MSRA: variants seen among roughly 807,000 people sequenced by gnomAD.
The protein encoded by MSRA is mitochondrial peptide methionine sulfoxide reductase.
MSRA carries 54 observed loss-of-function variants against 31.3 expected under a neutral mutation model. The ratio of observed to expected loss-of-function variants is 1.73; its 90% confidence interval spans 1.39 to 2.17. The LOEUF is 2.17. MSRA is among the 30% of genes most tolerant of loss of function. The probability of loss-of-function intolerance (pLI) is 0.00; values close to 1 mark genes in which losing one functional copy is unlikely to be tolerated. For synonymous variants in MSRA, 169 were observed against 116.5 expected (o/e 1.45, Z -2.90); for missense variants, 507 against 300.9 (o/e 1.69, Z -5.07).
intron 2 of MSRA, among the ~76,000 whole-genome samples, chr8:10,236,738 G>A (rs562807629): frequency 1.3e-5 from 2 of 152,260 alleles, no homozygotes; most frequent in South Asian, 4.1e-4. Context: ...TAGAGATGGG[G>A]TTTTACTATG....
chr8:10,316,527 C>CCCCT (rs1171484461), intron 4 of MSRA, among the ~76,000 whole-genome samples: 5 of 112,548 alleles, frequency 4.4e-5, no homozygotes, highest in Non-Finnish European at 9.7e-5. Context: ...TTTGATGATC[C>CCCCT]CTCTCTCTCT....
At chr8:10,138,956 G>C (rs932273741) in intron 1 of MSRA, among the ~76,000 whole-genome samples, 5 of 152,208 alleles carry the variant, frequency 3.3e-5, no homozygotes, top group Admixed American at 3.3e-4. Flanking sequence ...CACAGGTAGA[G>C]GCTGGGTGCT....
chr8:10,269,067 C>T (rs1798892476), intron 3 of MSRA, among the ~76,000 whole-genome samples: 1 of 152,172 alleles, frequency 6.6e-6, no homozygotes, highest in Non-Finnish European at 1.5e-5. Context: ...TTGAATGCTT[C>T]TCCAACGCCT....
At chr8:10,154,290 G>GA (rs151168969) in intron 1 of MSRA, among the ~76,000 whole-genome samples, 33,960 of 151,782 alleles carry the variant, frequency 0.22, 4,376 homozygotes, top group East Asian at 0.49. Flanking sequence ...GGGCAGGGGT[G>GA]CTACCCAATA....
chr8:10,276,645 G>A (rs754752141), intron 3 of MSRA, among the ~76,000 whole-genome samples: 1 of 152,214 alleles, frequency 6.6e-6, no homozygotes, highest in Non-Finnish European at 1.5e-5. Context: ...GGAGCAGCAT[G>A]CGTGTCTGCA....
chr8:10,395,551 G>A (rs1030599966), intron 5 of MSRA, among the ~76,000 whole-genome samples: 1 of 152,202 alleles, frequency 6.6e-6, no homozygotes, highest in Admixed American at 6.5e-5. Flanking sequence ...AGCTGAGGAA[G>A]CAGGCACTGA....
intron 1 of MSRA, among the ~76,000 whole-genome samples, chr8:10,200,513 C>T (rs1370812877): frequency 6.6e-6 from 1 of 152,154 alleles, no homozygotes. Flanking sequence ...TGCCTTGCTG[C>T]TCCTCATCAC....
At position 10,344,638 on chromosome 8, in the gene MSRA, A is replaced by T. The variant is rs144383463; in HGVS notation, c.543+24649A>T. ...TTCCAATGGCCTTGACATAAGGATT[A>T]TGTTGCATTAAGTAAGGATCATTAA... On this transcript the variant is annotated intron_variant, in intron 5 of 5. Coordinates refer to ENST00000317173, the MANE Select transcript of MSRA (RefSeq NM_012331.5). 3.2e-3 allele frequency among the ~76,000 whole-genome samples: 460 copies of T among 145,260 alleles called. 1 individual carries two copies. The highest frequency in any genetic ancestry group is 0.01 in the African/African-American group (418 of 39,896).
intron 1 of MSRA, among the ~76,000 whole-genome samples, chr8:10,204,366 C>G (rs1808761221): frequency 6.6e-6 from 1 of 152,228 alleles, no homozygotes; most frequent in Non-Finnish European, 1.5e-5. Flanking sequence ...TTACCCAGAG[C>G]AGCTTCCAGT....
At chr8:10,333,026 A>C (rs1208582425) in intron 5 of MSRA, among the ~76,000 whole-genome samples, 1 of 152,224 alleles carries the variant, frequency 6.6e-6, no homozygotes, top group East Asian at 1.9e-4. Context: ...AAACAGCCTA[A>C]GATTCTACCT....
At chr8:10,145,260 C>G (rs973463751) in intron 1 of MSRA, among the ~76,000 whole-genome samples, 1 of 151,972 alleles carries the variant, frequency 6.6e-6, no homozygotes, top group East Asian at 1.9e-4. Flanking sequence ...TTAAGACAAA[C>G]AATAGGAATA....
intron 1 of MSRA, among the ~76,000 whole-genome samples, chr8:10,143,454 G>A (rs1163852123): frequency 1.3e-5 from 2 of 152,112 alleles, no homozygotes; most frequent in Non-Finnish European, 2.9e-5. Flanking sequence ...CTTTAGTGTC[G>A]CAGCGATTGT....
chr8:10,234,302 C>A (rs1811753420), intron 2 of MSRA, among the ~76,000 whole-genome samples: 1 of 152,014 alleles, frequency 6.6e-6, no homozygotes, highest in South Asian at 2.1e-4. Context: ...ATAAAAAAGG[C>A]AAATCTTTAC....
intron 3 of MSRA, among the ~76,000 whole-genome samples, chr8:10,277,993 T>C (rs1426565412): frequency 1.3e-5 from 2 of 152,238 alleles, no homozygotes; most frequent in Non-Finnish European, 2.9e-5. Flanking sequence ...GGGCAAGTTG[T>C]AAACCTCTTT....
intron 3 of MSRA, among the ~76,000 whole-genome samples, chr8:10,293,321 A>C (rs1800347506): frequency 6.6e-6 from 1 of 152,166 alleles, no homozygotes; most frequent in South Asian, 2.1e-4. Context: ...TTGCAACAAC[A>C]AAGATGAGCT....
chr8:10,228,654 C>G (rs1811204399), intron 2 of MSRA, among the ~76,000 whole-genome samples: 1 of 152,172 alleles, frequency 6.6e-6, no homozygotes, highest in Admixed American at 6.5e-5. Context: ...AGGACGTCGG[C>G]TTTGAATTCC....
chr8:10,359,786 G>A lies in MSRA; in HGVS notation c.543+39797G>A, dbSNP rs560164990. On this transcript the variant is annotated intron_variant, in intron 5 of 5. Coordinates refer to ENST00000317173, the MANE Select transcript of MSRA (RefSeq NM_012331.5). ...CAGATGGAGGACGGTCTCAGACAGA[G>A]GCCCTTTTGCAAAGTTTGCCTTTTC... Among the ~76,000 whole-genome samples the A allele has an allele frequency of 2.2e-4, 34 of 152,320 alleles. 1 individual carries two copies. The highest frequency in any genetic ancestry group is 7.5e-4 in the African/African-American group (31 of 41,566).
At chr8:10,345,101 A>G (rs1212727099) in intron 5 of MSRA, among the ~76,000 whole-genome samples, 1 of 151,942 alleles carries the variant, frequency 6.6e-6, no homozygotes, top group African/African-American at 2.4e-5. Context: ...GGCTCTAGAG[A>G]TGGTGACGCC....
intron 3 of MSRA, among the ~76,000 whole-genome samples, chr8:10,283,112 A>G (rs930221332): frequency 6.7e-6 from 1 of 148,290 alleles, no homozygotes; most frequent in African/African-American, 2.5e-5. Context: ...GACACATCAT[A>G]TTGCATATAT....
Sources: allele counts gnomAD v4.1 joint callset (sites outside exome capture counted in the v4.1 genomes callset), GRCh38; gene constraint gnomAD v4.1.1; transcripts MANE v1.5; gene names NCBI Gene and HGNC (gene_info 2026-07-23, HGNC 2026-07-21).